The following RRP8 variants were observed in gnomAD, a reference collection of about 807,000 sequenced individuals.
RRP8 encodes the protein ribosomal RNA-processing protein 8.
RRP8 carries 48 observed loss-of-function variants against 45.0 expected under a neutral mutation model. That is an observed-to-expected ratio of 1.07 (90% CI 0.85 to 1.36). The LOEUF is 1.36. Ranked by LOEUF, RRP8 falls within the 40% of genes most tolerant of loss-of-function variation. RRP8 has a pLI of 0.00. For synonymous variants in RRP8, 274 were observed against 212.4 expected, an observed-to-expected ratio of 1.29 and a Z score of -2.52; for missense variants, 658 against 573.7, an observed-to-expected ratio of 1.15 and a Z score of -1.50.
Position 6,600,532 on chromosome 11 carries a change from G to C in RRP8, c.1205C>G (p.Thr402Ser). ...TAGCTTGGTCACAGCCCGCAGAAAG[G>C]TTCGAACATCCTCAAAGCGGCTGCT... ...EVSSRFEDVR[T>S]FLRAVTKLGF... Residue 402 changes from threonine to serine, a missense_variant, in exon 6 of 7, where the codon ACC becomes AGC. Physicochemically the swap from Thr to Ser is moderately conservative, Grantham distance 58 (BLOSUM62 1). Transcript: ENST00000254605. 6.2e-7 allele frequency: 1 copy of C among 1,614,028 alleles called. No homozygotes were observed. The highest frequency in any genetic ancestry group is 1.1e-5 in the South Asian group (1 of 91,056).
At chr11:6,602,261 A>G (rs1410747054) in intron 1 of RRP8, 46 bp from the exon 2 acceptor site, 2 of 1,503,280 alleles carry the variant, frequency 1.3e-6, no homozygotes, top group East Asian at 2.3e-5. Flanking sequence ...AGAATGGATG[A>G]GGCCTGGAGA....
At position 6,600,846 on chromosome 11, in the gene RRP8, T is replaced by C. The variant is rs540425871; in HGVS notation, c.1048-71A>G. On this transcript the variant is annotated intron_variant, in intron 4 of 6. Transcript: ENST00000254605. ...GAAAGCCAGCACTGAGATACCAGGA[T>C]GGGAAAGGGGAAGGAAGGGTTAGAG... 4.7e-5 allele frequency: 75 copies of C among 1,609,786 alleles called. No homozygotes were observed. The East Asian group carries it at 1.7e-3, about 35-fold the overall frequency.
chr11:6,601,673 C>T, intron 2 of RRP8, 71 bp from the exon 3 acceptor site: 1 of 1,509,736 alleles, frequency 6.6e-7, no homozygotes, highest in Non-Finnish European at 8.9e-7. Flanking sequence ...GCAAGTCATC[C>T]CAGCCATACC....
Position 6,599,326 on chromosome 11 carries a change from A to G in RRP8, c.*820T>C, listed in dbSNP as rs777346055. ...GGCTACAGATTTCTCCAGTTAACCC[A>G]CACAACCACCCTGCAAGACAAAAAT... is the stretch of plus-strand genomic sequence containing the variant. On this transcript the variant is annotated 3_prime_UTR_variant, in exon 7 of 7. Coordinates refer to ENST00000254605, the MANE Select transcript of RRP8 (RefSeq NM_015324.4). The G allele has an allele frequency of 6.6e-6, 1 of 152,286 alleles. No homozygotes were observed. The highest frequency in any genetic ancestry group is 1.5e-5 in the Non-Finnish European group (1 of 68,082). The allele number at this position is 152,286 out of a possible 1,614,324, so 9.4% of individuals were successfully genotyped here.
rs1428519169 is a variant in RRP8 at position 6,601,148 on chromosome 11, C to T, written c.917+1G>A. The T allele has an allele frequency of 3.7e-6, 6 of 1,613,724 alleles. No homozygotes were observed. The East Asian group carries it at 1.1e-4, about 30-fold the overall frequency. ...TCTCACAGTCCCTGACCCCCATTCA[C>T]CGCTGGCGAAGATCCCTGGCGATGC... is the stretch of plus-strand genomic sequence containing the variant. On this transcript the variant is annotated splice_donor_variant, in intron 3 of 6. Transcript: ENST00000254605. LOFTEE classifies it high-confidence loss of function.
At chr11:6,601,679 A>G (rs1854369496) in intron 2 of RRP8, 77 bp from the exon 3 acceptor site, 8 of 1,504,854 alleles carry the variant, frequency 5.3e-6, no homozygotes, top group African/African-American at 1.4e-5. Context: ...CATCCCAGCC[A>G]TACCTCTGTC....
Position 6,597,688 on chromosome 11 carries a change from C to G in RRP8, c.*2458G>C, listed in dbSNP as rs976181537. 2.6e-5 allele frequency: 4 copies of G among 151,310 alleles called. No individual in the cohort carries two copies. The highest frequency in any genetic ancestry group is 9.7e-5 in the African/African-American group (4 of 41,080). The allele number at this position is 151,310 out of a possible 1,614,324, so 9.4% of individuals were successfully genotyped here. A position where few individuals can be genotyped will look rare whatever the true frequency, so the allele number is the denominator to read the frequency against. ...GGCCGATCACTCGAGGTCAGGAGTT[C>G]GAGACCAGCCTGGCCAACATGGTGA... is the stretch of plus-strand genomic sequence containing the variant. On this transcript the variant is annotated 3_prime_UTR_variant, in exon 7 of 7. Coordinates refer to ENST00000254605, the MANE Select transcript of RRP8 (RefSeq NM_015324.4).
At position 6,595,437 on chromosome 11, in the gene RRP8, T is replaced by C. The variant is rs758210866; in HGVS notation, c.*4709A>G. The C allele has an allele frequency of 3.3e-5, 5 of 152,094 alleles. No individual in the cohort carries two copies. The highest frequency in any genetic ancestry group is 6.5e-5 in the Admixed American group (1 of 15,270). 9.4% of individuals were successfully genotyped at this position (152,094 alleles called of 1,614,324 possible). On this transcript the variant is annotated 3_prime_UTR_variant, in exon 7 of 7. Coordinates refer to ENST00000254605, the MANE Select transcript of RRP8 (RefSeq NM_015324.4). Reference sequence around the variant, plus strand: ...GCATCCCTGCTTAATCAATAACACTTCATTTCGTGACCATGAGACAAGAAA... The same window carrying C: ...GCATCCCTGCTTAATCAATAACACTCCATTTCGTGACCATGAGACAAGAAA...
At chr11:6,602,722 G>C (rs560529138) in intron 1 of RRP8, among the ~76,000 whole-genome samples, 2 of 152,210 alleles carry the variant, frequency 1.3e-5, no homozygotes, top group African/African-American at 4.8e-5. Context: ...TGAAAAAGGA[G>C]GAAACAAAGC....
In RRP8 at chr11:6,602,235, G is replaced by C; in HGVS notation, c.100-20C>G. The C allele has an allele frequency of 6.5e-7, 1 of 1,531,674 alleles. No homozygotes were observed. The allele number at this position is 1,531,674 out of a possible 1,614,324, so 94.9% of individuals were successfully genotyped here. ...GGAGCCCTGGAGGAAAACAGGGGATGACAGTGGGCCTAAAGAGAATGGATG... is the reference window on the plus strand; with the variant it reads ...GGAGCCCTGGAGGAAAACAGGGGATCACAGTGGGCCTAAAGAGAATGGATG... On this transcript the variant is annotated intron_variant, in intron 1 of 6. Transcript: ENST00000254605.
intron 2 of RRP8, 34 bp downstream of exon 2, chr11:6,601,818 A>G (rs1431782847): frequency 1.3e-6 from 2 of 1,563,264 alleles, no homozygotes; most frequent in Non-Finnish European, 8.7e-7. Context: ...ACACACACAC[A>G]CCAACACACA....
Position 6,600,196 on chromosome 11 carries a change from C to A in RRP8, c.1321G>T (p.Ala441Ser). Residue 441 changes from alanine to serine, a missense_variant, in exon 7 of 7, where the codon GCT (alanine) becomes TCT (serine). By Grantham distance (99) the Ala-to-Ser change is moderately conservative. Transcript: ENST00000254605. The stretch of plus-strand genomic sequence containing the variant: ...TGAAGCTGCAGGCCTGAAAGCTGAG[C>A]CTTGGGCCCTACCAGAGGGGGCCCA... Reference protein sequence around the residue: ...KTGPPLVGPKAQLSGLQLQPC... With the variant: ...KTGPPLVGPKSQLSGLQLQPC... 1 of 1,608,232 alleles carries A rather than the reference C, an allele frequency of 6.2e-7. No homozygotes were observed.
chr11:6,600,586 A>T lies in RRP8; in HGVS notation c.1155-4T>A, dbSNP rs1564835120. The T allele has an allele frequency of 6.2e-7, 1 of 1,614,006 alleles. No homozygotes were observed. On this transcript the variant is annotated splice_region_variant and splice_polypyrimidine_tract_variant and intron_variant, in intron 5 of 6. Coordinates refer to ENST00000254605, the MANE Select transcript of RRP8 (RefSeq NM_015324.4). ...CTCAGCCACTTTCAGGAGACCCCTG[A>T]GAAAGACAGAAAGTTCTGTGTAAGT...
intron 1 of RRP8, among the ~76,000 whole-genome samples, chr11:6,602,498 G>A (rs1044339112): frequency 6.6e-6 from 1 of 152,194 alleles, no homozygotes; most frequent in Non-Finnish European, 1.5e-5. Flanking sequence ...CAAGGCCAGA[G>A]ACCAGGAATT....
At position 6,600,270 on chromosome 11, in the gene RRP8, G is replaced by T; in HGVS notation, c.1252-5C>A. On this transcript the variant is annotated splice_region_variant and splice_polypyrimidine_tract_variant and intron_variant, in intron 6 of 6. Coordinates refer to ENST00000254605, the MANE Select transcript of RRP8 (RefSeq NM_015324.4). Reference sequence around the variant, plus strand: ...GAAATGGCTGTTGGTCAGGTCCTAGGGGCAGAAAAGACCCAGTGAGAACCA... The same window carrying T: ...GAAATGGCTGTTGGTCAGGTCCTAGTGGCAGAAAAGACCCAGTGAGAACCA... The T allele has an allele frequency of 6.4e-7, 1 of 1,571,632 alleles. No homozygotes were observed. Among genetic ancestry groups the T allele is most frequent in the South Asian group, 1.2e-5 (1 of 85,270 alleles).
intron 1 of RRP8, among the ~76,000 whole-genome samples, chr11:6,602,491 G>A (rs921382836): frequency 6.6e-6 from 1 of 152,154 alleles, no homozygotes; most frequent in African/African-American, 2.4e-5. Flanking sequence ...ACAAGACCAA[G>A]GCCAGAGACC....
chr11:6,595,199 A>C lies in RRP8; in HGVS notation c.*4947T>G, dbSNP rs1184643672. ...GCAATCCTCCCACCTCAGCCTTCCTAGTAGCTGGGATCACAGATAAGAGCC... is the reference window on the plus strand; with the variant it reads ...GCAATCCTCCCACCTCAGCCTTCCTCGTAGCTGGGATCACAGATAAGAGCC... On this transcript the variant is annotated 3_prime_UTR_variant, in exon 7 of 7. Coordinates refer to ENST00000254605, the MANE Select transcript of RRP8 (RefSeq NM_015324.4). 6.6e-6 allele frequency: 1 copy of C among 152,084 alleles called. No homozygotes were observed. The highest frequency in any genetic ancestry group is 1.5e-5 in the Non-Finnish European group (1 of 68,020). 9.4% of individuals were successfully genotyped at this position (152,084 alleles called of 1,614,324 possible). A position where few individuals can be genotyped will look rare whatever the true frequency, so the allele number is the denominator to read the frequency against.
chr11:6,595,370 T>C lies in RRP8; in HGVS notation c.*4776A>G, dbSNP rs1430050896. The C allele has an allele frequency of 4.6e-5, 7 of 152,192 alleles. No individual in the cohort carries two copies. Among genetic ancestry groups the C allele is most frequent in the Admixed American group, 4.6e-4 (7 of 15,270 alleles). The allele number at this position is 152,192 out of a possible 1,614,324, so 9.4% of individuals were successfully genotyped here. A position where few individuals can be genotyped will look rare whatever the true frequency, so the allele number is the denominator to read the frequency against. Reference sequence around the variant, plus strand: ...AACGAAGCCAAAAAGATAGGGGCTGTGGCAATTAAGGAGACTTCCAAGAAG... The same window carrying C: ...AACGAAGCCAAAAAGATAGGGGCTGCGGCAATTAAGGAGACTTCCAAGAAG... On this transcript the variant is annotated 3_prime_UTR_variant, in exon 7 of 7. Transcript: ENST00000254605.
rs917534605 is a variant in RRP8, at chr11:6,596,778, T to C, written c.*3368A>G. ...TCTGCCAAGATCATGTTGTTTCTTT[T>C]AGAACTGTGTTCCCTTAGGACTGGA... On this transcript the variant is annotated 3_prime_UTR_variant, in exon 7 of 7. Transcript: ENST00000254605. The C allele has an allele frequency of 1.4e-4, 22 of 152,138 alleles. No individual in the cohort carries two copies. The highest frequency in any genetic ancestry group is 5.3e-4 in the African/African-American group (22 of 41,416). The allele number at this position is 152,138 out of a possible 1,614,324, so 9.4% of individuals were successfully genotyped here.
Sources: gnomAD v4.1 joint callset for allele counts (sites outside exome capture counted in the v4.1 genomes callset) on GRCh38, gnomAD v4.1.1 for gene constraint, MANE v1.5 for transcripts, NCBI Gene and HGNC (gene_info 2026-07-23, HGNC 2026-07-21) for gene names.